Variants in NRAP observed in about 807,000 individuals in gnomAD.
NRAP encodes nebulin related anchoring protein, also known as nebulin-related-anchoring protein.
Under a neutral mutation model 225.9 loss-of-function variants are expected in NRAP, and 189 were observed. The observed-to-expected ratio is 0.84, with a 90% CI of 0.74 to 0.94. The LOEUF (loss-of-function observed/expected upper bound fraction) is 0.94. NRAP is among the 40% of genes least tolerant of loss of function. The pLI, the probability that NRAP is intolerant of heterozygous loss-of-function variation, is 0.00. For synonymous variants in NRAP, 769 were observed against 790.7 expected (o/e 0.97, Z 0.46); for missense variants, 2,176 against 2,168.7 (o/e 1.00, Z -0.07).
intron 25 of NRAP, 98 bp from the exon 26 acceptor site, chr10:113,617,651 T>C: frequency 1.3e-6 from 1 of 764,046 alleles, no homozygotes; most frequent in Non-Finnish European, 2.4e-6. Context: ...AGAGTGAATT[T>C]GTGAACACAA....
chr10:113,601,640 AG>A (rs1846609540), intron 35 of NRAP, among the ~76,000 whole-genome samples: 1 of 152,240 alleles, frequency 6.6e-6, no homozygotes, highest in Non-Finnish European at 1.5e-5. Flanking sequence ...ATTTCATGGG[AG>A]GGATTCTCCA....
intron 3 of NRAP, among the ~76,000 whole-genome samples, chr10:113,660,846 A>T (rs1850629872): frequency 6.6e-6 from 1 of 152,206 alleles, no homozygotes; most frequent in South Asian, 2.1e-4. Flanking sequence ...AGCCACTAAT[A>T]AATATCCTAA....
At chr10:113,595,506 T>C (rs1846236363) in intron 38 of NRAP, 117 bp downstream of exon 38, 1 of 655,490 alleles carries the variant, frequency 1.5e-6, no homozygotes, top group Non-Finnish European at 2.7e-6. Context: ...TTCAGTGTCC[T>C]TTCTGTTCCA....
chr10:113,644,216 C>T (rs1385286034), intron 11 of NRAP, among the ~76,000 whole-genome samples: 1 of 149,450 alleles, frequency 6.7e-6, no homozygotes, highest in African/African-American at 2.4e-5. Context: ...AACTGCACTC[C>T]CAGTGGTATG....
At chr10:113,639,679 A>C (rs1441367473) in intron 14 of NRAP, among the ~76,000 whole-genome samples, 1 of 152,206 alleles carries the variant, frequency 6.6e-6, no homozygotes, top group Non-Finnish European at 1.5e-5. Flanking sequence ...GTAATCAGGA[A>C]ACAAGAAATT....
chr10:113,634,294 G>C, intron 14 of NRAP, 84 bp from the exon 15 acceptor site: 9 of 961,762 alleles, frequency 9.4e-6, no homozygotes, highest in Non-Finnish European at 1.3e-5. Context: ...CCAATAAAGT[G>C]GCAATTCTCA....
chr10:113,622,692 G>A (rs186302652), intron 23 of NRAP, among the ~76,000 whole-genome samples: 10 of 152,290 alleles, frequency 6.6e-5, no homozygotes, highest in East Asian at 5.8e-4. Context: ...GGTAGATTCC[G>A]GTTCTACTCT....
At chr10:113,629,436 C>T (rs958625534) in intron 19 of NRAP, 152 bp downstream of exon 19, 25 of 628,494 alleles carry the variant, frequency 4.0e-5, no homozygotes, top group Non-Finnish European at 6.2e-5. Flanking sequence ...TCTACCTCCC[C>T]ATCTGCCCTT....
intron 18 of NRAP, 133 bp from the exon 19 acceptor site, chr10:113,629,918 T>C: frequency 1.6e-6 from 1 of 641,850 alleles, no homozygotes; most frequent in Non-Finnish European, 2.8e-6. Context: ...GCCACCCTTC[T>C]GTCAGAAAGG....
At chr10:113,627,379 T>C (rs561465280) in intron 20 of NRAP, among the ~76,000 whole-genome samples, 1 of 152,298 alleles carries the variant, frequency 6.6e-6, no homozygotes, top group South Asian at 2.1e-4. Context: ...AAGGAAGTAA[T>C]ATCCTCCTGG....
In NRAP at chr10:113,621,314, T is replaced by TACACACAC. The variant is rs5788033; in HGVS notation, c.2769+547_2769+554dup. 3.1e-3 allele frequency among the ~76,000 whole-genome samples: 474 copies of TACACACAC among 150,988 alleles called. 6 individuals are homozygous for TACACACAC. The East Asian group carries it at 0.033, about 11-fold the overall frequency. On this transcript the variant is annotated intron_variant, in intron 24 of 41. Transcript: ENST00000359988. The stretch of plus-strand genomic sequence containing the variant: ...ACAGCTCTACCAGGAAGGGTGTGTC[T>TACACACAC]ACACACACACACACACACACACACA...
chr10:113,661,291 A>T (rs1275280558), intron 3 of NRAP, among the ~76,000 whole-genome samples: 1 of 152,210 alleles, frequency 6.6e-6, no homozygotes, highest in East Asian at 1.9e-4. Context: ...TCTACAGTAA[A>T]TGCTATATAT....
chr10:113,623,474 C>T lies in NRAP; in HGVS notation c.2457+55G>A, dbSNP rs553283081. The T allele has an allele frequency of 2.2e-4, 240 of 1,113,746 alleles. 3 individuals carry two copies. The highest frequency in any genetic ancestry group is 3.7e-4 in the South Asian group (28 of 75,336). The allele number at this position is 1,113,746 out of a possible 1,614,324, so 69.0% of individuals were successfully genotyped here. On this transcript the variant is annotated intron_variant, in intron 23 of 41. Transcript: ENST00000359988. ...TGCCCAGACACTCAGAGAATCTCCC[C>T]GGTATAAAAAGGCAGGATTCTGCGG...
intron 26 of NRAP, among the ~76,000 whole-genome samples, chr10:113,616,783 C>T (rs1277494534): frequency 6.6e-6 from 1 of 152,148 alleles, no homozygotes; most frequent in Non-Finnish European, 1.5e-5. Flanking sequence ...CCAGGTTTGC[C>T]CTGCACAAAG....
chr10:113,641,391 T>A lies in NRAP; in HGVS notation c.1297A>T (p.Met433Leu), dbSNP rs752602077. The change falls in exon 13 of 42, where the codon ATG (methionine) becomes TTG (leucine). Residue 433 changes from methionine (M) to leucine (L), a missense_variant. This residue lies in a region of NRAP where 1,708 missense variants were observed against 1,695.5 expected (regional missense o/e 1.01). Coordinates refer to ENST00000359988, the MANE Select transcript of NRAP (RefSeq NM_198060.4). The stretch of plus-strand genomic sequence containing the variant: ...TTGCTTGCCAGGCTGCCAACTTTCA[T>A]AGCATGCAGAGTGCGTCTGTCCATA... ...VGMDRRTLHA[M>L]KVGSLASNVA... 2 of 1,613,596 alleles carry A rather than the reference T, an allele frequency of 1.2e-6. No homozygotes were observed. Among genetic ancestry groups the A allele is most frequent in the East Asian group, 2.2e-5 (1 of 44,860 alleles).
chr10:113,631,932 C>T lies in NRAP; in HGVS notation c.1665G>A (p.Lys555=). The T allele has an allele frequency of 6.2e-7, 1 of 1,613,228 alleles. No homozygotes were observed. Among genetic ancestry groups the T allele is most frequent in the Non-Finnish European group, 8.5e-7 (1 of 1,179,156 alleles). ...CCAGCTTCATCTCAAATCCTTTCCC[C>T]TTTGTCTTCTCCCAGCCTTCTTTAT... ...VKYKEGWEKT[K]GKGFEMKLDA... Residue 555 remains lysine, a synonymous_variant, in exon 17 of 42, where the codon AAG becomes AAA. Coordinates refer to ENST00000359988, the MANE Select transcript of NRAP (RefSeq NM_198060.4).
At chr10:113,600,583 G>A (rs1846541927) in intron 35 of NRAP, among the ~76,000 whole-genome samples, 1 of 152,196 alleles carries the variant, frequency 6.6e-6, no homozygotes, top group Non-Finnish European at 1.5e-5. Context: ...GCCACACCAG[G>A]TAGTGGTTAA....
chr10:113,618,116 G>T (rs1313605905), intron 25 of NRAP, among the ~76,000 whole-genome samples: 1 of 150,388 alleles, frequency 6.6e-6, no homozygotes, highest in African/African-American at 2.4e-5. Flanking sequence ...ATTATTCAAA[G>T]GAGTCATCAC....
intron 25 of NRAP, among the ~76,000 whole-genome samples, chr10:113,619,872 T>C (rs942919246): frequency 6.6e-6 from 1 of 152,216 alleles, no homozygotes; most frequent in African/African-American, 2.4e-5. Context: ...GGGACAATTC[T>C]GCTTCCTGGG....
Sources: gnomAD v4.1 joint callset for allele counts (sites outside exome capture counted in the v4.1 genomes callset) on GRCh38, gnomAD v4.1.1 for gene constraint, gnomAD v4.1.1 regional missense constraint, MANE v1.5 for transcripts, NCBI Gene and HGNC (gene_info 2026-07-23, HGNC 2026-07-21) for gene names.